The following TMEM132C variants were observed in gnomAD, a reference collection of about 807,000 sequenced individuals.
The protein encoded by TMEM132C is protein phosphatase 1, regulatory subunit 152.
Under a neutral mutation model 61.4 loss-of-function variants are expected in TMEM132C, and 29 were observed. The ratio of observed to expected loss-of-function variants is 0.47; its 90% CI spans 0.35 to 0.64. The LOEUF is 0.64. Ranked by LOEUF, TMEM132C falls within the 30% of genes least tolerant of loss-of-function variation. The probability of loss-of-function intolerance (pLI) is 0.00; values close to 1 mark genes in which losing one functional copy is unlikely to be tolerated. For synonymous variants in TMEM132C, 656 were observed against 633.1 expected, an observed-to-expected ratio of 1.04 and a Z score of -0.54; for missense variants, 1,408 against 1,476.9, an observed-to-expected ratio of 0.95 and a Z score of 0.76.
intron 2 of TMEM132C, among the ~76,000 whole-genome samples, chr12:128,530,319 G>A (rs1012602832): frequency 6.6e-6 from 1 of 152,120 alleles, no homozygotes; most frequent in Non-Finnish European, 1.5e-5. Context: ...CTCCCTAGAG[G>A]AAAAAGACCT....
intron 5 of TMEM132C, among the ~76,000 whole-genome samples, chr12:128,679,065 T>C (rs1401250270): frequency 6.6e-6 from 1 of 152,226 alleles, no homozygotes; most frequent in Non-Finnish European, 1.5e-5. Flanking sequence ...AGAGTCATAT[T>C]GCATAGATGC....
At chr12:128,451,671 T>C (rs1015500692) in intron 2 of TMEM132C, among the ~76,000 whole-genome samples, 4 of 152,172 alleles carry the variant, frequency 2.6e-5, no homozygotes, top group Non-Finnish European at 4.4e-5. Context: ...ACAATATTGA[T>C]TTATGAAAAA....
At chr12:128,561,563 G>T (rs1874519854) in intron 3 of TMEM132C, among the ~76,000 whole-genome samples, 1 of 152,218 alleles carries the variant, frequency 6.6e-6, no homozygotes, top group Admixed American at 6.5e-5. Flanking sequence ...TCTAAGCAGT[G>T]GGCATATTAG....
rs191966954 is a variant in TMEM132C, at chr12:128,593,668, T to A, written c.1122-22484T>A. On this transcript the variant is annotated intron_variant, in intron 3 of 8. Transcript: ENST00000435159. ...GCATTGTTTTGAGGACTGTGTGAGC[T>A]GAGGCACATTCGACACCCAGCTCAG... 2.7e-4 allele frequency among the ~76,000 whole-genome samples: 41 copies of A among 152,302 alleles called. No individual in the cohort carries two copies. The East Asian group carries it at 7.9e-3, about 29-fold the overall frequency.
At chr12:128,423,730 A>G (rs1869074217) in intron 2 of TMEM132C, among the ~76,000 whole-genome samples, 1 of 151,680 alleles carries the variant, frequency 6.6e-6, no homozygotes, top group African/African-American at 2.4e-5. Flanking sequence ...AGTGGATTTC[A>G]CCTCCTTTAA....
At chr12:128,590,574 C>T (rs1239174340) in intron 3 of TMEM132C, among the ~76,000 whole-genome samples, 1 of 152,138 alleles carries the variant, frequency 6.6e-6, no homozygotes, top group East Asian at 1.9e-4. Context: ...ATTCCTCTGG[C>T]CAGAGCAAGA....
chr12:128,462,350 G>A (rs952139705), intron 2 of TMEM132C, among the ~76,000 whole-genome samples: 11 of 152,090 alleles, frequency 7.2e-5, no homozygotes, highest in African/African-American at 1.4e-4. Flanking sequence ...CAGGGGATCC[G>A]CTGGCCTCGG....
At chr12:128,304,621 G>T (rs1331297051) in intron 1 of TMEM132C, among the ~76,000 whole-genome samples, 1 of 101,002 alleles carries the variant, frequency 9.9e-6, no homozygotes, top group East Asian at 2.3e-4. Flanking sequence ...AAAAAAGAAA[G>T]AAAGAAAGAA....
intron 1 of TMEM132C, among the ~76,000 whole-genome samples, chr12:128,367,045 T>C (rs868365564): frequency 6.6e-6 from 1 of 152,096 alleles, no homozygotes; most frequent in South Asian, 2.1e-4. Flanking sequence ...GGGGCCAGAA[T>C]GAAAAGATGG....
At chr12:128,618,778 G>T (rs1876895005) in intron 4 of TMEM132C, among the ~76,000 whole-genome samples, 1 of 152,140 alleles carries the variant, frequency 6.6e-6, no homozygotes, top group Non-Finnish European at 1.5e-5. Context: ...ACACGGAATG[G>T]TGAGTCCATT....
At chr12:128,559,162 CACAA>C (rs1473433059) in intron 3 of TMEM132C, among the ~76,000 whole-genome samples, 6 of 150,552 alleles carry the variant, frequency 4.0e-5, no homozygotes, top group East Asian at 1.9e-4. Flanking sequence ...CACATACACA[CACAA>C]ACACACACAC....
chr12:128,503,022 T>C (rs187556950), intron 2 of TMEM132C, among the ~76,000 whole-genome samples: 1 of 152,368 alleles, frequency 6.6e-6, no homozygotes, highest in East Asian at 1.9e-4. Context: ...ACCTTGAGCA[T>C]TGTTGAAACT....
chr12:128,521,319 A>ATATGTGTG (rs1052490746), intron 2 of TMEM132C, among the ~76,000 whole-genome samples: 91 of 21,658 alleles, frequency 4.2e-3, no homozygotes, highest in African/African-American at 6.3e-3. Flanking sequence ...ATATATATAT[A>ATATGTGTG]TGTGTGTGTG....
intron 4 of TMEM132C, among the ~76,000 whole-genome samples, chr12:128,647,833 G>C (rs560079277): frequency 6.7e-6 from 1 of 150,190 alleles, no homozygotes; most frequent in South Asian, 2.1e-4. Flanking sequence ...TTTGATGTGA[G>C]TGTGTTTACT....
At chr12:128,694,736 C>A (rs1954745490) in intron 6 of TMEM132C, among the ~76,000 whole-genome samples, 1 of 152,182 alleles carries the variant, frequency 6.6e-6, no homozygotes, top group Non-Finnish European at 1.5e-5. Context: ...GATGCGGAAT[C>A]CATCTCTACA....
chr12:128,338,757 AATATATAT>A (rs59699427), intron 1 of TMEM132C, among the ~76,000 whole-genome samples: 1 of 138,596 alleles, frequency 7.2e-6, no homozygotes, highest in African/African-American at 3.2e-5. Flanking sequence ...CTTCTGCAGA[AATATATAT>A]ATATATATAT....
At chr12:128,380,827 A>G (rs947612348) in intron 1 of TMEM132C, among the ~76,000 whole-genome samples, 7 of 152,228 alleles carry the variant, frequency 4.6e-5, no homozygotes, top group African/African-American at 1.7e-4. Context: ...CAATGGATTA[A>G]TGCATAACCT....
intron 1 of TMEM132C, among the ~76,000 whole-genome samples, chr12:128,354,357 CTTCT>C (rs1266602485): frequency 6.6e-6 from 1 of 151,914 alleles, no homozygotes; most frequent in Non-Finnish European, 1.5e-5. Context: ...TCCTCTCTTT[CTTCT>C]TTCTGTTTTT....
intron 2 of TMEM132C, among the ~76,000 whole-genome samples, chr12:128,521,715 T>A (rs932853826): frequency 1.3e-5 from 2 of 152,174 alleles, no homozygotes; most frequent in Non-Finnish European, 1.5e-5. Flanking sequence ...TTGTGGAAAT[T>A]CTGTAGCCTG....
Sources: allele counts gnomAD v4.1 joint callset (sites outside exome capture counted in the v4.1 genomes callset), GRCh38; gene constraint gnomAD v4.1.1; transcripts MANE v1.5; gene names NCBI Gene and HGNC (gene_info 2026-07-23, HGNC 2026-07-21).